SAC3D1: variants seen among roughly 807,000 people sequenced by gnomAD.
The protein encoded by SAC3D1 is SAC3 domain-containing protein 1.
In SAC3D1, 10 loss-of-function variants were observed where a neutral mutation model predicts 12.7. The observed-to-expected ratio is 0.79, with a 90% CI of 0.49 to 1.34. The LOEUF (loss-of-function observed/expected upper bound fraction) is 1.34, where lower values mean the gene tolerates loss of function less well. Ranked by LOEUF, SAC3D1 falls within the 40% of genes most tolerant of loss-of-function variation. The pLI, the probability that SAC3D1 is intolerant of heterozygous loss-of-function variation, is 0.00. For missense variants in SAC3D1, 482 were observed against 531.1 expected, an observed-to-expected ratio of 0.91 and a Z score of 0.91; for synonymous variants, 241 against 250.8, an observed-to-expected ratio of 0.96 and a Z score of 0.37.
At chr11:65,043,749 C>T (rs1428969092) in intron 1 of SAC3D1, among the ~76,000 whole-genome samples, 2 of 150,856 alleles carry the variant, frequency 1.3e-5, no homozygotes, top group Admixed American at 1.3e-4. Flanking sequence ...GTGTCTGAGA[C>T]TCTTCCAGAA....
Position 65,044,231 on chromosome 11 carries a change from T to C in SAC3D1, c.581T>C (p.Val194Ala). The C allele has an allele frequency of 6.2e-7, 1 of 1,612,048 alleles. No homozygotes were observed. The highest frequency in any genetic ancestry group is 8.5e-7 in the Non-Finnish European group (1 of 1,179,512). Residue 194 changes from valine to alanine, a missense_variant, in exon 2 of 2, where the codon GTG becomes GCG. By Grantham distance (64) the Val-to-Ala change is moderately conservative. Around this residue, in one of 3 missense-constraint regions of SAC3D1, gnomAD observed 225 missense variants for 241.1 expected, o/e 0.93. Coordinates refer to ENST00000652489, the MANE Select transcript of SAC3D1 (RefSeq NM_013299.4). The surrounding 1 kb of genome is among the most constrained non-coding windows in gnomAD (Gnocchi z 4.0). ...TGGCTTCCCGCTCTCACAGGCTCGG[T>C]GGAAGCCCTGCATGAGGTTCTACAG... ...GLFLLYNLGS[V>A]EALHEVLQLP...
intron 1 of SAC3D1, among the ~76,000 whole-genome samples, chr11:65,042,128 C>G (rs776620877): frequency 1.3e-5 from 2 of 151,750 alleles, no homozygotes; most frequent in African/African-American, 2.4e-5. Context: ...TTTTGAGTCT[C>G]GCTCTGTCGC....
intron 1 of SAC3D1, 147 bp downstream of exon 1, chr11:65,042,013 A>C: frequency 1.9e-6 from 2 of 1,078,108 alleles, no homozygotes; most frequent in Non-Finnish European, 1.2e-6. Context: ...CCGACGTGGG[A>C]CCTCGGGCCC....
In SAC3D1 at chr11:65,044,800, G is replaced by C. The variant is rs1946682363; in HGVS notation, c.*73G>C. 1 of 1,481,034 alleles carries C rather than the reference G, an allele frequency of 6.8e-7. No homozygotes were observed. The highest frequency in any genetic ancestry group is 9.0e-7 in the Non-Finnish European group (1 of 1,111,022). 91.7% of individuals were successfully genotyped at this position (1,481,034 alleles called of 1,614,324 possible). A position where few individuals can be genotyped will look rare whatever the true frequency, so the allele number is the denominator to read the frequency against. ...TAGGTTTCTTTTTCCATGGTTTCCA[G>C]GTAATAAAAGGAACTTGTTTTGTTG... On this transcript the variant is annotated 3_prime_UTR_variant, in exon 2 of 2. Coordinates refer to ENST00000652489, the MANE Select transcript of SAC3D1 (RefSeq NM_013299.4). This position sits in a 1 kb window ranked among gnomAD's most constrained non-coding sequence, Gnocchi z 4.0.
chr11:65,041,505 G>C lies in SAC3D1; in HGVS notation c.213G>C (p.Pro71=). ...GGCCCCCGCCCAGCCAGTTGCGTCCGCCCTCCGTGCTGCTGGCCACCGTGC... is the reference window on the plus strand; with the variant it reads ...GGCCCCCGCCCAGCCAGTTGCGTCCCCCCTCCGTGCTGCTGGCCACCGTGC... ...KPRPPPSQLR[P]PSVLLATVRY... Residue 71 remains proline, a synonymous_variant, in exon 1 of 2, where the codon CCG becomes CCC. Coordinates refer to ENST00000652489, the MANE Select transcript of SAC3D1 (RefSeq NM_013299.4). 2 of 1,465,402 alleles carry C rather than the reference G, an allele frequency of 1.4e-6. No homozygotes were observed. Among genetic ancestry groups the C allele is most frequent in the Non-Finnish European group, 9.0e-7 (1 of 1,115,362 alleles). The allele number at this position is 1,465,402 out of a possible 1,614,324, so 90.8% of individuals were successfully genotyped here. A position where few individuals can be genotyped will look rare whatever the true frequency, so the allele number is the denominator to read the frequency against.
chr11:65,044,636 T>G lies in SAC3D1; in HGVS notation c.986T>G (p.Val329Gly), dbSNP rs1474713230. 6.2e-7 allele frequency: 1 copy of G among 1,613,724 alleles called. No individual in the cohort carries two copies. The highest frequency in any genetic ancestry group is 1.7e-5 in the Admixed American group (1 of 59,998). ...LPPASTCKVL[V>G]ESKLRGRTLE... ...CCTGCCAGTACGTGCAAGGTGTTAG[T>G]GGAGAGCAAACTTCGAGGACGTACC... is the stretch of plus-strand genomic sequence containing the variant. Residue 329 changes from valine (V) to glycine (G), a missense_variant, in exon 2 of 2, where the codon GTG becomes GGG. This residue lies in a region of SAC3D1 where 225 missense variants were observed against 241.1 expected (regional missense o/e 0.93). Coordinates refer to ENST00000652489, the MANE Select transcript of SAC3D1 (RefSeq NM_013299.4). The surrounding 1 kb of genome is among the most constrained non-coding windows in gnomAD (Gnocchi z 4.0).
chr11:65,043,025 A>G, intron 1 of SAC3D1: 2 of 439,986 alleles, frequency 4.5e-6, no homozygotes, highest in South Asian at 3.2e-5. Flanking sequence ...TTTTTTGTAG[A>G]GATGGGATCT....
chr11:65,041,439 C>G lies in SAC3D1; in HGVS notation c.147C>G (p.Arg49=). 1 of 1,503,002 alleles carries G rather than the reference C, an allele frequency of 6.7e-7. No homozygotes were observed. The highest frequency in any genetic ancestry group is 1.2e-5 in the South Asian group (1 of 80,566). The allele number at this position is 1,503,002 out of a possible 1,614,324, so 93.1% of individuals were successfully genotyped here. The change falls in exon 1 of 2, where the codon CGC becomes CGG. Residue 49 remains arginine, a synonymous_variant. Coordinates refer to ENST00000652489, the MANE Select transcript of SAC3D1 (RefSeq NM_013299.4). ...ACCCGCCCCGCGCGGATCCGCAGCG[C>G]GCGGTGAAGGAGTACAGCCGACCCG... ...RQDPPRADPQ[R]AVKEYSRPAA... is the part of the protein sequence containing the mutation.
chr11:65,044,239 C>T lies in SAC3D1; in HGVS notation c.589C>T (p.Leu197=), dbSNP rs1358577976. ...CGCTCTCACAGGCTCGGTGGAAGCC[C>T]TGCATGAGGTTCTACAGCTGCCTGC... The part of the protein sequence containing the change: ...LLYNLGSVEA[L]HEVLQLPAAL... Residue 197 remains leucine (L), a synonymous_variant, in exon 2 of 2, where the codon CTG becomes TTG. Transcript: ENST00000652489. The surrounding 1 kb of genome is among the most constrained non-coding windows in gnomAD (Gnocchi z 4.0). 2 of 1,612,690 alleles carry T rather than the reference C, an allele frequency of 1.2e-6. No individual in the cohort carries two copies. Among genetic ancestry groups the T allele is most frequent in the Non-Finnish European group, 1.7e-6 (2 of 1,179,824 alleles).
chr11:65,041,144 G>A (rs1471998429), upstream of SAC3D1: 1 of 797,540 alleles, frequency 1.3e-6, no homozygotes, highest in East Asian at 3.3e-5. Flanking sequence ...CGGCCCGAAG[G>A]CCGGGGATCA....
rs1946593489 is a variant in SAC3D1, at chr11:65,041,384, G to T, written c.92G>T (p.Arg31Leu). 3 of 1,508,250 alleles carry T rather than the reference G, an allele frequency of 2.0e-6. No homozygotes were observed. Among genetic ancestry groups the T allele is most frequent in the African/African-American group, 1.4e-5 (1 of 69,314 alleles). The allele number at this position is 1,508,250 out of a possible 1,614,324, so 93.4% of individuals were successfully genotyped here. A position where few individuals can be genotyped will look rare whatever the true frequency, so the allele number is the denominator to read the frequency against. Residue 31 changes from arginine (R) to leucine (L), a missense_variant, in exon 1 of 2, where the codon CGC (arginine) becomes CTC (leucine). Physicochemically the swap from Arg to Leu is moderately radical, Grantham distance 102 (BLOSUM62 -2). Transcript: ENST00000652489. ...CGCGAAAGGGAGCACCGCCTGCACCGCTTGGAGGTGGTGCCGGGTTGCCGC... is the reference window on the plus strand; with the variant it reads ...CGCGAAAGGGAGCACCGCCTGCACCTCTTGGAGGTGGTGCCGGGTTGCCGC... The part of the protein sequence containing the change: ...AQREREHRLH[R>L]LEVVPGCRQD...
chr11:65,044,187 G>C lies in SAC3D1; in HGVS notation c.575-38G>C. 1 of 1,598,842 alleles carries C rather than the reference G, an allele frequency of 6.3e-7. No individual in the cohort carries two copies. The highest frequency in any genetic ancestry group is 8.5e-7 in the Non-Finnish European group (1 of 1,172,022). ...AGGGGAGATGAGCCTGATCCTGTAA[G>C]GACCAGGCGTCCTCATTCTGGCTTC... On this transcript the variant is annotated intron_variant, in intron 1 of 1. Coordinates refer to ENST00000652489, the MANE Select transcript of SAC3D1 (RefSeq NM_013299.4). The surrounding 1 kb of genome is among the most constrained non-coding windows in gnomAD (Gnocchi z 4.0).
At position 65,044,723 on chromosome 11, in the gene SAC3D1, C is replaced by T. The variant is rs1396037523; in HGVS notation, c.1073C>T (p.Ala358Val). The T allele has an allele frequency of 3.7e-6, 6 of 1,610,952 alleles. No homozygotes were observed. The African/African-American group carries it at 8.0e-5, about 22-fold the overall frequency. ...GGCACGGACAGACCTGGGTCCCCAG[C>T]CTGAGGAGGGAGCGTGAGCCTCCCA... ...DEGTDRPGSP[A>V] The change falls in exon 2 of 2, where the codon GCC becomes GTC. Residue 358 changes from alanine to valine, a missense_variant. Transcript: ENST00000652489. This position sits in a 1 kb window ranked among gnomAD's most constrained non-coding sequence, Gnocchi z 4.0.
rs1422839068 is a variant in SAC3D1, at chr11:65,044,010, A to T, written c.575-215A>T. Among the ~76,000 whole-genome samples the T allele has an allele frequency of 2.6e-5, 4 of 152,240 alleles. No individual in the cohort carries two copies. Among genetic ancestry groups the T allele is most frequent in the African/African-American group, 9.6e-5 (4 of 41,454 alleles). On this transcript the variant is annotated intron_variant, in intron 1 of 1. Transcript: ENST00000652489. The surrounding 1 kb of genome is among the most constrained non-coding windows in gnomAD (Gnocchi z 4.0). ...GCCCACTTCAGTGTTGTAAGTAAGG[A>T]TCTGGACTGCAGGAAGTCAAGAGCC...
At chr11:65,041,205 C>T (rs1253000018), upstream of SAC3D1, 1 of 1,194,438 alleles carries the variant, frequency 8.4e-7, no homozygotes, top group Non-Finnish European at 1.1e-6. Context: ...ACCCGCCGCT[C>T]CCCACCCCCC....
chr11:65,041,238 GC>G lies in SAC3D1; in HGVS notation c.-54del. ...CCCGGCCGGCCTCGCGTGCCTTCCCGCAGCACTGCCGTCCCCGGGATGCTGA... is the reference window on the plus strand; with the variant it reads ...CCCGGCCGGCCTCGCGTGCCTTCCCGAGCACTGCCGTCCCCGGGATGCTGA... On this transcript the variant is annotated 5_prime_UTR_variant, in exon 1 of 2. Transcript: ENST00000652489. The G allele has an allele frequency of 6.8e-7, 1 of 1,461,032 alleles. No individual in the cohort carries two copies. Among genetic ancestry groups the G allele is most frequent in the Non-Finnish European group, 9.0e-7 (1 of 1,111,082 alleles). The allele number at this position is 1,461,032 out of a possible 1,614,324, so 90.5% of individuals were successfully genotyped here.
Position 65,041,851 on chromosome 11 carries a change from C to G in SAC3D1, c.559C>G (p.Leu187Val). The G allele has an allele frequency of 5.5e-6, 8 of 1,467,160 alleles. No individual in the cohort carries two copies. The highest frequency in any genetic ancestry group is 3.0e-5 in the East Asian group (1 of 33,584). 90.9% of individuals were successfully genotyped at this position (1,467,160 alleles called of 1,614,324 possible). Residue 187 changes from leucine (L) to valine (V), a missense_variant, in exon 1 of 2, where the codon CTG becomes GTG. Transcript: ENST00000652489. The stretch of plus-strand genomic sequence containing the variant: ...CCAACCCGCCTTCCAGGGCCTCTTT[C>G]TGCTCTATAACCTGGGTGAGTCGGG... ...PRQPAFQGLFLLYNLGSVEAL... is the reference protein window; with the variant it reads ...PRQPAFQGLFVLYNLGSVEAL...
At position 65,044,347 on chromosome 11, in the gene SAC3D1, C is replaced by T. The variant is rs201127865; in HGVS notation, c.697C>T (p.Arg233Cys). ...AGAGGGCAATGCTGCCCGCCTGTTCCGTCTGCTCCAGACCCTGCCCTACCT... is the reference window on the plus strand; with the variant it reads ...AGAGGGCAATGCTGCCCGCCTGTTCTGTCTGCTCCAGACCCTGCCCTACCT... Reference protein sequence around the residue: ...FREGNAARLFRLLQTLPYLPS... With the variant: ...FREGNAARLFCLLQTLPYLPS... The change falls in exon 2 of 2, where the codon CGT (arginine) becomes TGT (cysteine). Residue 233 changes from arginine to cysteine, a missense_variant. Around this residue, in one of 3 missense-constraint regions of SAC3D1, gnomAD observed 225 missense variants for 241.1 expected, o/e 0.93. Coordinates refer to ENST00000652489, the MANE Select transcript of SAC3D1 (RefSeq NM_013299.4). This position sits in a 1 kb window ranked among gnomAD's most constrained non-coding sequence, Gnocchi z 4.0. 30 of 1,613,448 alleles carry T rather than the reference C, an allele frequency of 1.9e-5. No homozygotes were observed. In the South Asian group the frequency reaches 2.0e-4, roughly 11 times the overall value.
chr11:65,044,696 A>C lies in SAC3D1; in HGVS notation c.1046A>C (p.Glu349Ala), dbSNP rs757777823. The C allele has an allele frequency of 6.2e-7, 1 of 1,613,380 alleles. No individual in the cohort carries two copies. Residue 349 changes from glutamate (E) to alanine (A), a missense_variant, in exon 2 of 2, where the codon GAG (glutamate) becomes GCG (alanine). Glu to Ala is a moderately radical substitution (Grantham distance 107, BLOSUM62 -1). Around this residue, in one of 3 missense-constraint regions of SAC3D1, gnomAD observed 225 missense variants for 241.1 expected, o/e 0.93. Transcript: ENST00000652489. This position sits in a 1 kb window ranked among gnomAD's most constrained non-coding sequence, Gnocchi z 4.0. ...EEVVMAEEED[E>A]GTDRPGSPA ...GTGGTCATGGCAGAGGAGGAAGATG[A>C]GGGCACGGACAGACCTGGGTCCCCA...
Sources: allele counts gnomAD v4.1 joint callset (sites outside exome capture counted in the v4.1 genomes callset), GRCh38; gene constraint gnomAD v4.1.1; regional missense constraint gnomAD v4.1.1; non-coding constraint Gnocchi (gnomAD v3.1); transcripts MANE v1.5; gene names NCBI Gene and HGNC (gene_info 2026-07-23, HGNC 2026-07-21).